The following CDHR1 variants were observed in gnomAD, a reference collection of about 807,000 sequenced individuals.
CDHR1 encodes cadherin-related family member 1.
CDHR1 carries 61 observed loss-of-function variants against 72.1 expected under a neutral mutation model. The ratio of observed to expected loss-of-function variants is 0.85; its 90% CI spans 0.69 to 1.05. The LOEUF is 1.05. CDHR1 is among the 50% of genes least tolerant of loss of function. The pLI, the probability that CDHR1 is intolerant of heterozygous loss-of-function variation, is 0.00. For missense variants in CDHR1, 1,186 were observed against 1,115.7 expected (o/e 1.06, Z -0.90); for synonymous variants, 470 against 448.1 (o/e 1.05, Z -0.62).
At position 84,205,850 on chromosome 10, in the gene CDHR1, A is replaced by G. The variant is rs562607967; in HGVS notation, c.886A>G (p.Asn296Asp). ...AGGGAACGATGGAGCCTTTGAAATT[A>G]ATGAGACATCTGGAGCCATCTCCAT... is the stretch of plus-strand genomic sequence containing the variant. ...VNGNDGAFEI[N>D]ETSGAISITQ... The change falls in exon 10 of 17, where the codon AAT (asparagine) becomes GAT (aspartate). Residue 296 changes from asparagine to aspartate, a missense_variant. Physicochemically the swap from Asn to Asp is conservative, Grantham distance 23. Coordinates refer to ENST00000623527, the MANE Select transcript of CDHR1 (RefSeq NM_033100.4). 17 of 1,614,004 alleles carry G rather than the reference A, an allele frequency of 1.1e-5. No individual in the cohort carries two copies. The African/African-American group carries it at 1.5e-4, about 14-fold the overall frequency.
rs376315843 is a variant in CDHR1, at chr10:84,197,847, G to A, written c.348+11G>A. On this transcript the variant is annotated intron_variant, in intron 4 of 16. Coordinates refer to ENST00000623527, the MANE Select transcript of CDHR1 (RefSeq NM_033100.4). ...GATGGCCTGAATCTGGTGAGTGCAC[G>A]TCCAAGGCAGTCCCTGGCAGCCTGC... 133 of 1,612,100 alleles carry A rather than the reference G, an allele frequency of 8.3e-5. No homozygotes were observed. Among genetic ancestry groups the A allele is most frequent in the African/African-American group, 2.0e-4 (15 of 74,880 alleles).
rs1842437731 is a variant in CDHR1 at position 84,217,091 on chromosome 10, G to A, written c.*2470G>A. On this transcript the variant is annotated 3_prime_UTR_variant, in exon 17 of 17. Transcript: ENST00000623527. Reference sequence around the variant, plus strand: ...TGAGCCACACTAGGAAAGAGGAGGAGGGTGCAGCCAAACTTAAGGCACCGG... The same window carrying A: ...TGAGCCACACTAGGAAAGAGGAGGAAGGTGCAGCCAAACTTAAGGCACCGG... The A allele has an allele frequency of 4.1e-6, 4 of 985,750 alleles. No homozygotes were observed. Among genetic ancestry groups the A allele is most frequent in the Non-Finnish European group, 4.8e-6 (4 of 830,164 alleles). 61.1% of individuals were successfully genotyped at this position (985,750 alleles called of 1,614,324 possible). A position where few individuals can be genotyped will look rare whatever the true frequency, so the allele number is the denominator to read the frequency against.
rs6585845 is a variant in CDHR1, at chr10:84,215,490, T to G, written c.*869T>G. The G allele has an allele frequency of 0.53, 520,946 of 976,730 alleles. 141,121 individuals are homozygous for G. The highest frequency in any genetic ancestry group is 0.78 in the African/African-American group (44,784 of 57,128). The allele number at this position is 976,730 out of a possible 1,614,324, so 60.5% of individuals were successfully genotyped here. A position where few individuals can be genotyped will look rare whatever the true frequency, so the allele number is the denominator to read the frequency against. On this transcript the variant is annotated 3_prime_UTR_variant, in exon 17 of 17. Coordinates refer to ENST00000623527, the MANE Select transcript of CDHR1 (RefSeq NM_033100.4). ...GATGAATATCAGGGCTGAGATGTGG[T>G]GAGACTTCCGTTTTTATCCAGCTCT...
chr10:84,199,262 T>G, intron 5 of CDHR1, 141 bp downstream of exon 5: 1 of 727,926 alleles, frequency 1.4e-6, no homozygotes, highest in Non-Finnish European at 2.5e-6. Context: ...ACATTCGCTT[T>G]TATTCCAAAG....
rs781221152 is a variant in CDHR1 at position 84,214,543 on chromosome 10, C to T, written c.2502C>T (p.Ser834=). Residue 834 remains serine, a synonymous_variant, in exon 17 of 17, where the codon AGC becomes AGT. Transcript: ENST00000623527. ...QPPPKPKTMG[S]PVQSTLISEL... is the part of the protein sequence containing the mutation. ...CGCCAAAACCCAAAACTATGGGAAG[C>T]CCCGTCCAGTCAACTCTGATCTCTG... 6.2e-7 allele frequency: 1 copy of T among 1,602,112 alleles called. No homozygotes were observed.
Position 84,217,238 on chromosome 10 carries a change from G to C in CDHR1, c.*2617G>C. The C allele has an allele frequency of 1.0e-6, 1 of 985,476 alleles. No individual in the cohort carries two copies. The highest frequency in any genetic ancestry group is 1.2e-6 in the Non-Finnish European group (1 of 829,976). 61.0% of individuals were successfully genotyped at this position (985,476 alleles called of 1,614,324 possible). On this transcript the variant is annotated 3_prime_UTR_variant, in exon 17 of 17. Coordinates refer to ENST00000623527, the MANE Select transcript of CDHR1 (RefSeq NM_033100.4). ...CCCAGTAGGACAGGCAGAGCTCCAG[G>C]CTGGCACCATGGTAGGCCTCCAGGG...
rs369628724 is a variant in CDHR1, at chr10:84,213,186, G to A, written c.1878G>A (p.Thr626=). ...PANVFDINSH[T]GEIWLKNSIR... ...ACGTGTTCGACATCAATTCCCACAC[G>A]GGGGAGATCTGGCTCAAGAATTCCA... Residue 626 remains threonine (T), a synonymous_variant, in exon 16 of 17, where the codon ACG becomes ACA. Coordinates refer to ENST00000623527, the MANE Select transcript of CDHR1 (RefSeq NM_033100.4). 2.2e-5 allele frequency: 35 copies of A among 1,614,078 alleles called. No homozygotes were observed. The highest frequency in any genetic ancestry group is 1.3e-4 in the Admixed American group (8 of 60,002).
chr10:84,194,587 T>A lies in CDHR1; in HGVS notation c.-174T>A. 1 of 485,762 alleles carries A rather than the reference T, an allele frequency of 2.1e-6. No homozygotes were observed. The highest frequency in any genetic ancestry group is 3.5e-6 in the Non-Finnish European group (1 of 283,298). 30.1% of individuals were successfully genotyped at this position (485,762 alleles called of 1,614,324 possible). A position where few individuals can be genotyped will look rare whatever the true frequency, so the allele number is the denominator to read the frequency against. On this transcript the variant is annotated 5_prime_UTR_variant, in exon 1 of 17. Transcript: ENST00000623527. ...GCAGGAGCAGATCCGAGCCGTGTCATCCTCTTAGCGCCCTCACGCCACCCG... is the reference window on the plus strand; with the variant it reads ...GCAGGAGCAGATCCGAGCCGTGTCAACCTCTTAGCGCCCTCACGCCACCCG...
chr10:84,216,048 A>G lies in CDHR1; in HGVS notation c.*1427A>G. Reference sequence around the variant, plus strand: ...TCAGCTTGTGACAACCTTCCCCAGGACAGAAGTCATACAAGGCCTCTGGGG... The same window carrying G: ...TCAGCTTGTGACAACCTTCCCCAGGGCAGAAGTCATACAAGGCCTCTGGGG... On this transcript the variant is annotated 3_prime_UTR_variant, in exon 17 of 17. Coordinates refer to ENST00000623527, the MANE Select transcript of CDHR1 (RefSeq NM_033100.4). 2 of 985,450 alleles carry G rather than the reference A, an allele frequency of 2.0e-6. No individual in the cohort carries two copies. The highest frequency in any genetic ancestry group is 2.4e-6 in the Non-Finnish European group (2 of 829,946). The allele number at this position is 985,450 out of a possible 1,614,324, so 61.0% of individuals were successfully genotyped here. A position where few individuals can be genotyped will look rare whatever the true frequency, so the allele number is the denominator to read the frequency against.
intron 6 of CDHR1, among the ~76,000 whole-genome samples, chr10:84,201,564 C>T (rs74145719): frequency 0.026 from 3,944 of 152,278 alleles, 158 homozygotes; most frequent in African/African-American, 0.088. Flanking sequence ...TCCAGCTGAG[C>T]AGGAGGAAAA....
intron 16 of CDHR1, 59 bp from the exon 17 acceptor site, chr10:84,214,023 T>C: frequency 6.2e-7 from 1 of 1,611,142 alleles, no homozygotes; most frequent in Non-Finnish European, 8.5e-7. Context: ...ACATACCTAC[T>C]CTGTACTCCA....
Position 84,203,137 on chromosome 10 carries a change from C to A in CDHR1, c.783+14C>A, listed in dbSNP as rs751702571. 12 of 1,614,084 alleles carry A rather than the reference C, an allele frequency of 7.4e-6. No individual in the cohort carries two copies. Among genetic ancestry groups the A allele is most frequent in the Non-Finnish European group, 1.0e-5 (12 of 1,179,962 alleles). ...GACACCCTTCCGGTGGGTGGCTGTC[C>A]CCCTCAGCCAGCGATCCCTCCAAAT... is the stretch of plus-strand genomic sequence containing the variant. On this transcript the variant is annotated intron_variant, in intron 8 of 16. Coordinates refer to ENST00000623527, the MANE Select transcript of CDHR1 (RefSeq NM_033100.4).
rs1842319611 is a variant in CDHR1, at chr10:84,211,000, G to A, written c.1321-1G>A. The A allele has an allele frequency of 3.1e-6, 5 of 1,614,102 alleles. No homozygotes were observed. Among genetic ancestry groups the A allele is most frequent in the Non-Finnish European group, 3.4e-6 (4 of 1,180,050 alleles). On this transcript the variant is annotated splice_acceptor_variant, in intron 12 of 16. Transcript: ENST00000623527. LOFTEE classifies it high-confidence loss of function. The stretch of plus-strand genomic sequence containing the variant: ...AAGTCCCCATTTTCCCCCCTTCCCA[G>A]CTCCTGGCTGTTGAAGTGAACACCC...
At chr10:84,209,425 C>T (rs1273471772) in intron 12 of CDHR1, among the ~76,000 whole-genome samples, 1 of 152,042 alleles carries the variant, frequency 6.6e-6, no homozygotes. Flanking sequence ...CTGCATCATG[C>T]TTAAAAGTGA....
intron 11 of CDHR1, 146 bp from the exon 12 acceptor site, chr10:84,208,583 C>A: frequency 1.0e-6 from 1 of 999,502 alleles, no homozygotes; most frequent in Admixed American, 2.0e-5. Context: ...AAGGCACTCA[C>A]AGTCCATTCA....
Position 84,199,099 on chromosome 10 carries a change from C to A in CDHR1, c.416C>A (p.Pro139His). The change falls in exon 5 of 17, where the codon CCT becomes CAT. Residue 139 changes from proline (P) to histidine (H), a missense_variant. Coordinates refer to ENST00000623527, the MANE Select transcript of CDHR1 (RefSeq NM_033100.4). ...NDEAPRFIQEPYVALVPEDIP... is the reference protein window; with the variant it reads ...NDEAPRFIQEHYVALVPEDIP... Reference sequence around the variant, plus strand: ...GAGGCGCCCAGGTTCATCCAGGAGCCTTATGTTGCCCTGGTTCCCGAGGTA... The same window carrying A: ...GAGGCGCCCAGGTTCATCCAGGAGCATTATGTTGCCCTGGTTCCCGAGGTA... The A allele has an allele frequency of 6.4e-7, 1 of 1,551,272 alleles. No individual in the cohort carries two copies. The highest frequency in any genetic ancestry group is 1.4e-5 in the African/African-American group (1 of 73,108).
At chr10:84,196,859 C>T (rs745903643) in intron 3 of CDHR1, among the ~76,000 whole-genome samples, 12 of 152,172 alleles carry the variant, frequency 7.9e-5, no homozygotes, top group Non-Finnish European at 1.8e-4. Context: ...TCACACAGAG[C>T]GAAGAGTGGG....
intron 10 of CDHR1, among the ~76,000 whole-genome samples, chr10:84,207,277 T>C (rs1439364990): frequency 6.6e-6 from 1 of 151,304 alleles, no homozygotes; most frequent in Non-Finnish European, 1.5e-5. Flanking sequence ...GAGGGGCAGG[T>C]AAAGGAAACC....
rs1474144700 is a variant in CDHR1 at position 84,218,200 on chromosome 10, AC to A, written c.*3583del. ...GAGACTGGCATGTGCCACATGGAGG[AC>A]CCCTTAGGAAACTCACAAACAACCT... is the stretch of plus-strand genomic sequence containing the variant. On this transcript the variant is annotated 3_prime_UTR_variant, in exon 17 of 17. Transcript: ENST00000623527. The A allele has an allele frequency of 2.0e-6, 2 of 985,228 alleles. No individual in the cohort carries two copies. The highest frequency in any genetic ancestry group is 2.4e-6 in the Non-Finnish European group (2 of 829,938). The allele number at this position is 985,228 out of a possible 1,614,324, so 61.0% of individuals were successfully genotyped here.
Sources: allele counts gnomAD v4.1 joint callset (sites outside exome capture counted in the v4.1 genomes callset), GRCh38; gene constraint gnomAD v4.1.1; transcripts MANE v1.5; gene names NCBI Gene and HGNC (gene_info 2026-07-23, HGNC 2026-07-21).